The following GSE1 variants were observed in gnomAD, a reference collection of about 807,000 sequenced individuals.
The protein encoded by GSE1 is genetic suppressor element 1.
In GSE1, 32 loss-of-function variants were observed where a neutral mutation model predicts 112.6. The ratio of observed to expected loss-of-function variants is 0.28; its 90% confidence interval spans 0.21 to 0.38. The LOEUF is 0.38. GSE1 is among the 10% of genes least tolerant of loss of function. The pLI, the probability that GSE1 is intolerant of heterozygous loss-of-function variation, is 1.00. For synonymous variants in GSE1, 1,115 were observed against 735.6 expected, an observed-to-expected ratio of 1.52 and a Z score of -8.35; for missense variants, 2,348 against 1,699.2, an observed-to-expected ratio of 1.38 and a Z score of -6.71.
At chr16:85,527,248 C>T (rs912285885) in intron 2 of GSE1, among the ~76,000 whole-genome samples, 3 of 152,212 alleles carry the variant, frequency 2.0e-5, no homozygotes, top group Non-Finnish European at 2.9e-5. Flanking sequence ...GGGCTGGCTC[C>T]GGCCTCGCCC....
At chr16:85,574,081 C>T (rs2046121086) in intron 1 of GSE1, among the ~76,000 whole-genome samples, 1 of 152,276 alleles carries the variant, frequency 6.6e-6, no homozygotes, top group South Asian at 2.1e-4. Context: ...CGCCAGGCCT[C>T]CCGTCTGGTC....
intron 2 of GSE1, among the ~76,000 whole-genome samples, chr16:85,510,147 G>T (rs535074830): frequency 2.0e-5 from 3 of 152,162 alleles, no homozygotes; most frequent in African/African-American, 7.2e-5. Flanking sequence ...CCTGCCCCTC[G>T]GCTCTCCCAT....
chr16:85,396,589 C>G (rs2047971213), intron 2 of GSE1, among the ~76,000 whole-genome samples: 1 of 152,234 alleles, frequency 6.6e-6, no homozygotes, highest in South Asian at 2.1e-4. Context: ...TGGAGGAGAG[C>G]AGTTGGCTGA....
intron 1 of GSE1, among the ~76,000 whole-genome samples, chr16:85,239,287 C>T (rs1199667520): frequency 1.3e-5 from 2 of 152,124 alleles, no homozygotes; most frequent in East Asian, 3.9e-4. Context: ...GGGCGGTGGC[C>T]AGAGCTGGGC....
Position 85,661,159 on chromosome 16 carries a change from C to T in GSE1, c.1654C>T (p.Arg552Cys), listed in dbSNP as rs769389836. ...TTCACTCCCTAGGCCAGGACCAAAC[C>T]GTCACGAGCCAGGTGGCCGTGACCC... ...PESTTRPGPN[R>C]HEPGGRDPPQ... The change falls in exon 9 of 16, where the codon CGT (arginine) becomes TGT (cysteine). Residue 552 changes from arginine (R) to cysteine (C), a missense_variant. Arg to Cys is a radical substitution (Grantham distance 180, BLOSUM62 -3). Coordinates refer to ENST00000253458, the MANE Select transcript of GSE1 (RefSeq NM_014615.5). 2.5e-5 allele frequency: 40 copies of T among 1,587,500 alleles called. No homozygotes were observed. Among genetic ancestry groups the T allele is most frequent in the African/African-American group, 5.4e-5 (4 of 74,418 alleles).
At chr16:85,216,813 T>C (rs568805935) in intron 1 of GSE1, among the ~76,000 whole-genome samples, 4 of 152,222 alleles carry the variant, frequency 2.6e-5, no homozygotes, top group South Asian at 4.1e-4. Context: ...TGGAAAGATA[T>C]AGCACTTGCT....
chr16:85,287,633 A>G (rs1321010302), intron 1 of GSE1, among the ~76,000 whole-genome samples: 1 of 151,392 alleles, frequency 6.6e-6, no homozygotes, highest in Non-Finnish European at 1.5e-5. Flanking sequence ...GCCTTTCCAT[A>G]TTGGTCACTT....
At chr16:85,605,504 G>A (rs2047665789) in intron 1 of GSE1, among the ~76,000 whole-genome samples, 1 of 152,062 alleles carries the variant, frequency 6.6e-6, no homozygotes, top group Non-Finnish European at 1.5e-5. Flanking sequence ...CCAGGCACTG[G>A]GCATGGCTCT....
At chr16:85,366,553 G>T (rs1410749323) in intron 2 of GSE1, among the ~76,000 whole-genome samples, 1 of 152,198 alleles carries the variant, frequency 6.6e-6, no homozygotes, top group Admixed American at 6.5e-5. Context: ...TTGTAAGTGG[G>T]TCTCTCCCCA....
At position 85,674,780 on chromosome 16, in the gene GSE1, A is replaced by C. The variant is rs1369515569; in HGVS notation, c.*2241A>C. 2.6e-5 allele frequency: 4 copies of C among 152,394 alleles called. No individual in the cohort carries two copies. Among genetic ancestry groups the C allele is most frequent in the African/African-American group, 9.7e-5 (4 of 41,430 alleles). 9.4% of individuals were successfully genotyped at this position (152,394 alleles called of 1,614,324 possible). A position where few individuals can be genotyped will look rare whatever the true frequency, so the allele number is the denominator to read the frequency against. ...CCATGAGAGGTCTGCCCAGGGTGGG[A>C]GCAGTGTCACTGTGCTAGCAATAGT... On this transcript the variant is annotated 3_prime_UTR_variant, in exon 16 of 16. Transcript: ENST00000253458.
chr16:85,480,413 C>G (rs73263199), intron 2 of GSE1, among the ~76,000 whole-genome samples: 1,550 of 152,294 alleles, frequency 0.01, 31 homozygotes, highest in African/African-American at 0.035. Context: ...CCTCCACCCC[C>G]CTCTGCCTGC....
intron 1 of GSE1, among the ~76,000 whole-genome samples, chr16:85,175,873 G>T (rs1376462256): frequency 6.6e-6 from 1 of 152,218 alleles, no homozygotes; most frequent in East Asian, 1.9e-4. Context: ...TAAGTTCAGA[G>T]AGGTTAAGCA....
At chr16:85,483,339 G>T (rs1033296718) in intron 2 of GSE1, among the ~76,000 whole-genome samples, 9 of 152,260 alleles carry the variant, frequency 5.9e-5, no homozygotes, top group Non-Finnish European at 4.4e-5. Flanking sequence ...GGGGCAGAGG[G>T]GAGTACGTGG....
At chr16:85,420,459 C>T (rs1169775461) in intron 2 of GSE1, among the ~76,000 whole-genome samples, 2 of 152,102 alleles carry the variant, frequency 1.3e-5, no homozygotes, top group Admixed American at 6.5e-5. Flanking sequence ...CCCTCCCCAT[C>T]GCCATGTCTC....
intron 1 of GSE1, among the ~76,000 whole-genome samples, chr16:85,195,888 C>T (rs192324779): frequency 1.3e-5 from 2 of 152,302 alleles, no homozygotes; most frequent in African/African-American, 4.8e-5. Flanking sequence ...TCACTTCTGA[C>T]CTGCAGCCCC....
intron 1 of GSE1, among the ~76,000 whole-genome samples, chr16:85,590,618 TG>T (rs1367194343): frequency 1.3e-5 from 2 of 151,932 alleles, no homozygotes; most frequent in African/African-American, 2.4e-5. Flanking sequence ...ATTGTGTGCA[TG>T]TGTGAATGCG....
At chr16:85,169,974 C>T in exon 1 of GSE1, 2 of 984,618 alleles carry the variant, frequency 2.0e-6, no homozygotes, top group Non-Finnish European at 2.4e-6. Context: ...CCACCGGCGA[C>T]GACGACGAGG....
chr16:85,174,761 G>A (rs1423502207), intron 1 of GSE1, among the ~76,000 whole-genome samples: 2 of 152,234 alleles, frequency 1.3e-5, no homozygotes, highest in African/African-American at 4.8e-5. Context: ...GGCAGCGAAG[G>A]TGACACTTGC....
chr16:85,624,745 A>G (rs1017441379), intron 1 of GSE1, among the ~76,000 whole-genome samples: 4 of 152,138 alleles, frequency 2.6e-5, no homozygotes, highest in Admixed American at 2.0e-4. Flanking sequence ...ACAGGTGGAG[A>G]GAGGCGCCTG....
Sources: gnomAD v4.1 joint callset for allele counts (sites outside exome capture counted in the v4.1 genomes callset) on GRCh38, gnomAD v4.1.1 for gene constraint, MANE v1.5 for transcripts, NCBI Gene and HGNC (gene_info 2026-07-23, HGNC 2026-07-21) for gene names.